The following PI16 variants were observed in gnomAD, a reference collection of about 807,000 sequenced individuals.
PI16 encodes PSP94-binding protein.
Under a neutral mutation model 38.0 loss-of-function variants are expected in PI16, and 35 were observed. The ratio of observed to expected loss-of-function variants is 0.92; its 90% CI spans 0.70 to 1.22. The LOEUF is 1.22. Ranked by LOEUF, PI16 falls within the 50% of genes most tolerant of loss-of-function variation. The probability of loss-of-function intolerance (pLI) is 0.00; values close to 1 mark genes in which losing one functional copy is unlikely to be tolerated. For synonymous variants in PI16, 275 were observed against 252.9 expected (o/e 1.09, Z -0.83); for missense variants, 572 against 593.8 (o/e 0.96, Z 0.38).
At chr6:36,956,955 C>T (rs901368719) in intron 1 of PI16, among the ~76,000 whole-genome samples, 7 of 152,170 alleles carry the variant, frequency 4.6e-5, no homozygotes, top group African/African-American at 1.7e-4. Flanking sequence ...GAAATCTAAC[C>T]CTTACCCCTA....
chr6:36,952,697 G>A (rs900272210), upstream of PI16, among the ~76,000 whole-genome samples: 5 of 152,030 alleles, frequency 3.3e-5, no homozygotes, highest in African/African-American at 9.7e-5. Context: ...TTTAATTATT[G>A]TAGATTTGTG....
intron 1 of PI16, among the ~76,000 whole-genome samples, chr6:36,958,558 C>T (rs903552769): frequency 2.4e-4 from 36 of 151,524 alleles, no homozygotes; most frequent in African/African-American, 8.2e-4. Context: ...AGGGGGTTGC[C>T]GTTGACAAGG....
rs1763388106 is a variant in PI16 at position 36,962,267 on chromosome 6, G to T, written c.592+293G>T. 6.6e-6 allele frequency among the ~76,000 whole-genome samples: 1 copy of T among 152,198 alleles called. No homozygotes were observed. Among genetic ancestry groups the T allele is most frequent in the African/African-American group, 2.4e-5 (1 of 41,456 alleles). ...TGTCGCCACACTTTAGGGTCTCGAGGAGCGGGCTGGGGCCAGACCGGTGGG... is the reference window on the plus strand; with the variant it reads ...TGTCGCCACACTTTAGGGTCTCGAGTAGCGGGCTGGGGCCAGACCGGTGGG... On this transcript the variant is annotated intron_variant, in intron 4 of 6. Coordinates refer to ENST00000373674, the MANE Select transcript of PI16 (RefSeq NM_153370.3). This position sits in a 1 kb window ranked among gnomAD's most constrained non-coding sequence, Gnocchi z 4.1.
At position 36,961,871 on chromosome 6, in the gene PI16, C is replaced by G; in HGVS notation, c.504-15C>G. On this transcript the variant is annotated splice_polypyrimidine_tract_variant and intron_variant, in intron 3 of 6. Transcript: ENST00000373674. The stretch of plus-strand genomic sequence containing the variant: ...GTCGACCCCCTCCCCGCAGCATCCT[C>G]CTGACCTCCTGTAGGGGGAACGTGA... The G allele has an allele frequency of 6.2e-7, 1 of 1,609,970 alleles. No individual in the cohort carries two copies. Among genetic ancestry groups the G allele is most frequent in the Non-Finnish European group, 8.5e-7 (1 of 1,176,306 alleles).
Position 36,961,444 on chromosome 6 carries a change from T to A in PI16, c.394-7T>A. On this transcript the variant is annotated splice_polypyrimidine_tract_variant and splice_region_variant and intron_variant, in intron 2 of 6. Coordinates refer to ENST00000373674, the MANE Select transcript of PI16 (RefSeq NM_153370.3). ...GGGGCTGAGCTGCTAGGTTTGCCCT[T>A]CATCAGGTGGTATGGGCCAAGACAG... The A allele has an allele frequency of 6.2e-7, 1 of 1,613,776 alleles. No individual in the cohort carries two copies. Among genetic ancestry groups the A allele is most frequent in the Non-Finnish European group, 8.5e-7 (1 of 1,179,666 alleles).
upstream of PI16, among the ~76,000 whole-genome samples, chr6:36,949,947 C>T (rs1051075444): frequency 1.3e-4 from 19 of 151,834 alleles, no homozygotes; most frequent in Admixed American, 1.2e-3. Context: ...AAGGCTCCCT[C>T]CAGACACGAT....
chr6:36,956,967 C>T (rs141067568), intron 1 of PI16, among the ~76,000 whole-genome samples: 1 of 152,276 alleles, frequency 6.6e-6, no homozygotes, highest in Non-Finnish European at 1.5e-5. Context: ...TTACCCCTAC[C>T]CCCTTCTCTT....
At chr6:36,964,111 C>A in intron 6 of PI16, 149 bp downstream of exon 6, 1 of 1,021,720 alleles carries the variant, frequency 9.8e-7, no homozygotes, top group Non-Finnish European at 1.4e-6. Context: ...GGCCAGCACT[C>A]TTGTCCTCCT....
upstream of PI16, among the ~76,000 whole-genome samples, chr6:36,952,139 G>A (rs1319880312): frequency 5.3e-5 from 8 of 151,332 alleles, 1 homozygote; most frequent in South Asian, 2.1e-4. Flanking sequence ...GACTACAGGC[G>A]CCTGCCACCA....
upstream of PI16, among the ~76,000 whole-genome samples, chr6:36,952,541 GTCT>G (rs1296999202): frequency 6.6e-6 from 1 of 152,118 alleles, no homozygotes; most frequent in East Asian, 1.9e-4. Context: ...AGTTTTCTAA[GTCT>G]TCTTTAAAAG....
At position 36,963,517 on chromosome 6, in the gene PI16, A is replaced by G. The variant is rs1763431973; in HGVS notation, c.1175A>G (p.His392Arg). 2 of 1,614,122 alleles carry G rather than the reference A, an allele frequency of 1.2e-6. No individual in the cohort carries two copies. The highest frequency in any genetic ancestry group is 1.6e-4 in the Middle Eastern group (1 of 6,062). ...CAGGCCACACTGGACCACACGGGGCACACCTCCTCCAAGTCCCTGCCCAAT... is the reference window on the plus strand; with the variant it reads ...CAGGCCACACTGGACCACACGGGGCGCACCTCCTCCAAGTCCCTGCCCAAT... ...ELQATLDHTG[H>R]TSSKSLPNFP... is the part of the protein sequence containing the mutation. The change falls in exon 5 of 7, where the codon CAC becomes CGC. Residue 392 changes from histidine to arginine, a missense_variant. Coordinates refer to ENST00000373674, the MANE Select transcript of PI16 (RefSeq NM_153370.3).
chr6:36,959,383 C>A lies in PI16; in HGVS notation c.393+17C>A, dbSNP rs1281971063. 2.6e-6 allele frequency: 4 copies of A among 1,538,182 alleles called. No homozygotes were observed. The highest frequency in any genetic ancestry group is 2.5e-5 in the East Asian group (1 of 40,750). On this transcript the variant is annotated intron_variant, in intron 2 of 6. Coordinates refer to ENST00000373674, the MANE Select transcript of PI16 (RefSeq NM_153370.3). The stretch of plus-strand genomic sequence containing the variant: ...TACACGCAGGTGTGGGCCCGGCGGG[C>A]GAGGCGGGGCGGAGCCTCGCGGCGT...
At chr6:36,960,231 A>C (rs936050723) in intron 2 of PI16, among the ~76,000 whole-genome samples, 7 of 152,074 alleles carry the variant, frequency 4.6e-5, no homozygotes, top group African/African-American at 1.7e-4. Context: ...GAAAGGCTTC[A>C]GGGAGATTTC....
intron 6 of PI16, 124 bp from the exon 7 acceptor site, chr6:36,964,262 T>C: frequency 4.1e-6 from 1 of 242,454 alleles, no homozygotes; most frequent in Non-Finnish European, 7.9e-6. Flanking sequence ...GGCCATCAGC[T>C]TCTCTCCCAG....
At chr6:36,955,027 A>C (rs1197291480) in intron 1 of PI16, 96 bp downstream of exon 1, 34 of 1,443,398 alleles carry the variant, frequency 2.4e-5, no homozygotes, top group Non-Finnish European at 2.9e-5. Flanking sequence ...TGCTGAAGCT[A>C]TTTCAGAATT....
chr6:36,949,894 A>T (rs1450582061), upstream of PI16, among the ~76,000 whole-genome samples: 12 of 143,720 alleles, frequency 8.3e-5, no homozygotes, highest in African/African-American at 5.1e-5. Context: ...AAAGTTGGAT[A>T]TTTTTTTTTT....
At position 36,963,023 on chromosome 6, in the gene PI16, T is replaced by C; in HGVS notation, c.681T>C (p.Ser227=). The change falls in exon 5 of 7, where the codon TCT becomes TCC. Residue 227 remains serine (S), a synonymous_variant. Transcript: ENST00000373674. ...TCCGGGCGACTGAAGCATCAGACTC[T>C]AGGAAAATGGGTACTCCTTCTTCCC... ...PSFRATEASD[S]RKMGTPSSLA... 1 of 1,614,220 alleles carries C rather than the reference T, an allele frequency of 6.2e-7. No homozygotes were observed. The highest frequency in any genetic ancestry group is 8.5e-7 in the Non-Finnish European group (1 of 1,180,026).
chr6:36,952,335 T>C (rs1763115451), upstream of PI16, among the ~76,000 whole-genome samples: 2 of 152,168 alleles, frequency 1.3e-5, no homozygotes, highest in South Asian at 4.1e-4. Context: ...TTTATTTTTG[T>C]TTTGTTGCCT....
At chr6:36,960,777 G>A (rs2150738229) in intron 2 of PI16, among the ~76,000 whole-genome samples, 1 of 152,008 alleles carries the variant, frequency 6.6e-6, no homozygotes, top group Non-Finnish European at 1.5e-5. Flanking sequence ...AGTCGTTTCT[G>A]CCCAGAAGGT....
Sources: gnomAD v4.1 joint callset for allele counts (sites outside exome capture counted in the v4.1 genomes callset) on GRCh38, gnomAD v4.1.1 for gene constraint, Gnocchi (gnomAD v3.1) non-coding constraint, MANE v1.5 for transcripts, NCBI Gene and HGNC (gene_info 2026-07-23, HGNC 2026-07-21) for gene names.